The following DMD variants were observed in gnomAD, a reference collection of about 807,000 sequenced individuals.
The protein encoded by DMD is mutant dystrophin.
In DMD, 63 loss-of-function variants were observed where a neutral mutation model predicts 330.1. That is an observed-to-expected ratio of 0.19 (90% CI 0.16 to 0.24). The LOEUF is 0.24. DMD is among the 10% of genes least tolerant of loss of function. The pLI, the probability that DMD is intolerant of heterozygous loss-of-function variation, is 1.00. For synonymous variants in DMD, 1,223 were observed against 959.8 expected (o/e 1.27, Z -5.07); for missense variants, 3,344 against 2,684.1 (o/e 1.25, Z -5.43).
intron 1 of DMD, among the ~76,000 whole-genome samples, chrX:33,047,133 C>G (rs1193194822): frequency 2.7e-5 from 3 of 111,690 alleles, no homozygotes; most frequent in Non-Finnish European, 5.6e-5. Flanking sequence ...GTTCATATAG[C>G]TACTTTGCAG....
chrX:32,662,452 C>T (rs1384029542), intron 9 of DMD, among the ~76,000 whole-genome samples: 2 of 111,881 alleles, frequency 1.8e-5, no homozygotes, highest in South Asian at 3.7e-4. Context: ...GGACAAAATA[C>T]AATCCTACCT....
rs1569308187 is a variant in DMD, at chrX:31,729,716, G to T, written c.7575C>A (p.Pro2525=). The change falls in exon 52 of 79, where the codon CCC becomes CCA. Residue 2525 remains proline (P), a synonymous_variant. Transcript: ENST00000357033. ...ATMQDLEQRR[P]QLEELITAAQ... ...CAGCGGTAATGAGTTCTTCCAACTGGGGACGCCTCTGTTCCAAATCCTGCA... is the reference window on the plus strand; with the variant it reads ...CAGCGGTAATGAGTTCTTCCAACTGTGGACGCCTCTGTTCCAAATCCTGCA... 1.7e-6 allele frequency: 2 copies of T among 1,211,074 alleles called. No homozygotes were observed. Among genetic ancestry groups the T allele is most frequent in the Non-Finnish European group, 2.2e-6 (2 of 895,147 alleles).
chrX:31,680,993 A>G (rs1245642465), intron 52 of DMD, among the ~76,000 whole-genome samples: 1 of 111,000 alleles, frequency 9.0e-6, no homozygotes, highest in East Asian at 2.8e-4. Flanking sequence ...ACCTCATATA[A>G]TTAGTTACAA....
intron 41 of DMD, among the ~76,000 whole-genome samples, chrX:32,323,688 A>G (rs1397559175): frequency 9.0e-6 from 1 of 111,693 alleles, no homozygotes; most frequent in African/African-American, 3.3e-5. Flanking sequence ...GTAAAATGAT[A>G]GTACAAAGTA....
intron 29 of DMD, among the ~76,000 whole-genome samples, chrX:32,426,378 A>G (rs1254521940): frequency 8.9e-6 from 1 of 112,338 alleles, no homozygotes; most frequent in Non-Finnish European, 1.9e-5. Flanking sequence ...ATGAAAAAAA[A>G]TGCTCAATAT....
intron 7 of DMD, among the ~76,000 whole-genome samples, chrX:32,752,319 T>C (rs956097389): frequency 1.8e-5 from 2 of 111,249 alleles, no homozygotes; most frequent in African/African-American, 6.5e-5. Context: ...TGCATCAGCA[T>C]GACCTGGATG....
chrX:31,261,063 G>A, intron 62 of DMD, 47 bp from the exon 63 acceptor site: 1 of 1,087,496 alleles, frequency 9.2e-7, no homozygotes, highest in South Asian at 1.9e-5. Flanking sequence ...ACAATGAGTA[G>A]TCAAGAAAAC....
intron 39 of DMD, among the ~76,000 whole-genome samples, chrX:32,344,548 G>A (rs1343292815): frequency 1.8e-5 from 2 of 111,041 alleles, no homozygotes; most frequent in Non-Finnish European, 3.8e-5. Context: ...ATCGAACGCT[G>A]CTTTTTTCAA....
chrX:32,505,349 C>CA, intron 18 of DMD, among the ~76,000 whole-genome samples: 1 of 112,024 alleles, frequency 8.9e-6, no homozygotes, highest in Non-Finnish European at 1.9e-5. Context: ...AAAACATGGG[C>CA]AAAAATCCTT....
intron 50 of DMD, among the ~76,000 whole-genome samples, chrX:31,799,581 A>G (rs1244981763): frequency 1.8e-5 from 2 of 110,914 alleles, no homozygotes; most frequent in African/African-American, 6.6e-5. Context: ...CACAGCCAAA[A>G]CATATCATTC....
At chrX:32,039,593 G>A (rs1447935933) in intron 44 of DMD, among the ~76,000 whole-genome samples, 2 of 111,595 alleles carry the variant, frequency 1.8e-5, no homozygotes, top group Non-Finnish European at 3.8e-5. Flanking sequence ...GAGTAAAAAG[G>A]TAATGCCATA....
intron 41 of DMD, among the ~76,000 whole-genome samples, chrX:32,335,494 T>A (rs1379369142): frequency 2.4e-5 from 2 of 83,208 alleles, no homozygotes; most frequent in African/African-American, 7.5e-5. Flanking sequence ...CATTTATATA[T>A]ACATGTTATA....
At chrX:31,762,129 G>T (rs1332916159) in intron 51 of DMD, among the ~76,000 whole-genome samples, 1 of 112,501 alleles carries the variant, frequency 8.9e-6, no homozygotes, top group Non-Finnish European at 1.9e-5. Flanking sequence ...AAACTCTTCT[G>T]TGTGGGGCTG....
At chrX:32,129,877 T>C (rs944104542) in intron 44 of DMD, among the ~76,000 whole-genome samples, 1 of 110,450 alleles carries the variant, frequency 9.1e-6, no homozygotes, top group African/African-American at 3.3e-5. Context: ...CAGTGACAAA[T>C]AGTTATTAGC....
intron 16 of DMD, 115 bp from the exon 17 acceptor site, chrX:32,545,449 C>T: frequency 1.3e-6 from 1 of 758,588 alleles, no homozygotes; most frequent in Non-Finnish European, 2.0e-6. Flanking sequence ...GTAGATTGAC[C>T]TTCAGATCAA....
At chrX:32,694,790 G>A (rs1346541067) in intron 9 of DMD, among the ~76,000 whole-genome samples, 1 of 111,110 alleles carries the variant, frequency 9.0e-6, no homozygotes, top group African/African-American at 3.3e-5. Context: ...CCGAGTAGCT[G>A]GGATTACAGG....
intron 21 of DMD, among the ~76,000 whole-genome samples, chrX:32,476,751 G>A (rs1299905099): frequency 9.0e-6 from 1 of 111,271 alleles, no homozygotes; most frequent in Non-Finnish European, 1.9e-5. Flanking sequence ...TGTACCCAAG[G>A]GCAAACACAG....
At chrX:32,864,111 T>A (rs2082298416) in intron 2 of DMD, among the ~76,000 whole-genome samples, 1 of 112,478 alleles carries the variant, frequency 8.9e-6, no homozygotes. Context: ...AGTCAAATAT[T>A]GTCAAATATT....
chrX:32,536,484 A>G (rs2047997131), intron 17 of DMD, among the ~76,000 whole-genome samples: 1 of 111,647 alleles, frequency 9.0e-6, no homozygotes, highest in African/African-American at 3.3e-5. Context: ...AGAGTGGTTA[A>G]TTTAAGCTAA....
Sources: allele counts gnomAD v4.1 joint callset (sites outside exome capture counted in the v4.1 genomes callset), GRCh38; gene constraint gnomAD v4.1.1; transcripts MANE v1.5; gene names NCBI Gene and HGNC (gene_info 2026-07-23, HGNC 2026-07-21).